The following SLC35F3 variants were observed in gnomAD, a reference collection of about 807,000 sequenced individuals.
SLC35F3 encodes the protein putative thiamine transporter SLC35F3.
A neutral mutation model predicts 49.9 loss-of-function variants in SLC35F3; 25 were observed. The observed-to-expected ratio is 0.50, with a 90% CI of 0.37 to 0.70. The LOEUF (loss-of-function observed/expected upper bound fraction) is 0.70, where lower values mean the gene tolerates loss of function less well. Among genes scored for constraint, SLC35F3 ranks in the 30% least tolerant of loss-of-function variants. The pLI, the probability that SLC35F3 is intolerant of heterozygous loss-of-function variation, is 0.00. For synonymous variants in SLC35F3, 275 were observed against 265.4 expected (o/e 1.04, Z -0.35); for missense variants, 525 against 639.8 (o/e 0.82, Z 1.94).
At chr1:234,129,241 G>A (rs1198296186) in intron 2 of SLC35F3, among the ~76,000 whole-genome samples, 5 of 152,158 alleles carry the variant, frequency 3.3e-5, no homozygotes, top group South Asian at 2.1e-4. Flanking sequence ...GAAGGTGCTC[G>A]ACCTCATTGA....
chr1:234,159,691 T>C (rs1293734382), intron 2 of SLC35F3, among the ~76,000 whole-genome samples: 2 of 152,182 alleles, frequency 1.3e-5, no homozygotes, highest in African/African-American at 4.8e-5. Flanking sequence ...CTCTTTGTAA[T>C]CTCATAATCA....
intron 2 of SLC35F3, among the ~76,000 whole-genome samples, chr1:234,160,616 C>T (rs1666210937): frequency 6.6e-6 from 1 of 152,176 alleles, no homozygotes; most frequent in African/African-American, 2.4e-5. Flanking sequence ...CAGGGCAACC[C>T]AGGACATATG....
chr1:234,034,675 C>T (rs1664115016), intron 2 of SLC35F3, among the ~76,000 whole-genome samples: 1 of 152,090 alleles, frequency 6.6e-6, no homozygotes, highest in Non-Finnish European at 1.5e-5. Flanking sequence ...CACGTGCCAC[C>T]ACACCCGGCT....
chr1:233,914,240 T>C (rs1401935543), intron 2 of SLC35F3, among the ~76,000 whole-genome samples: 4 of 152,176 alleles, frequency 2.6e-5, no homozygotes, highest in Admixed American at 6.5e-5. Context: ...GGGTCTAGTC[T>C]GACAGAGCGG....
intron 3 of SLC35F3, chr1:234,274,116 G>A (rs1303343371): frequency 6.6e-6 from 1 of 152,182 alleles, no homozygotes; most frequent in Non-Finnish European, 1.5e-5. Context: ...TAGTTCTCAG[G>A]GGGAAATGTG....
chr1:234,139,979 T>TA lies in SLC35F3; in HGVS notation c.284-91434dup, dbSNP rs1259718345. The stretch of plus-strand genomic sequence containing the variant: ...TAAAATAAAATAAAATAAAATAAAA[T>TA]AAAATAAAATAAAATAAAATAAAGT... On this transcript the variant is annotated intron_variant, in intron 2 of 7. Coordinates refer to ENST00000366618, the MANE Select transcript of SLC35F3 (RefSeq NM_173508.4). Among the ~76,000 whole-genome samples the TA allele has an allele frequency of 2.2e-3, 296 of 133,448 alleles. 13 individuals carry two copies. Among genetic ancestry groups the TA allele is most frequent in the Middle Eastern group, 8.0e-3 (2 of 250 alleles). 87.5% of individuals were successfully genotyped at this position (133,448 alleles called of 152,430 possible).
At chr1:234,219,742 C>G (rs980679706) in intron 2 of SLC35F3, among the ~76,000 whole-genome samples, 3 of 152,200 alleles carry the variant, frequency 2.0e-5, no homozygotes, top group Admixed American at 1.3e-4. Flanking sequence ...TCCTGCTGAG[C>G]CTGGATGTGG....
chr1:234,044,726 C>A (rs1222706659), intron 2 of SLC35F3, among the ~76,000 whole-genome samples: 1 of 152,186 alleles, frequency 6.6e-6, no homozygotes, highest in Non-Finnish European at 1.5e-5. Context: ...TTCATCACTG[C>A]ATTTTCTGTG....
intron 2 of SLC35F3, among the ~76,000 whole-genome samples, chr1:234,167,715 A>G (rs1666340056): frequency 6.6e-6 from 1 of 152,198 alleles, no homozygotes; most frequent in African/African-American, 2.4e-5. Flanking sequence ...CATACTGAAT[A>G]GGTCACATGT....
chr1:234,174,379 TG>T (rs1326539919), intron 2 of SLC35F3, among the ~76,000 whole-genome samples: 1 of 152,254 alleles, frequency 6.6e-6, no homozygotes, highest in Non-Finnish European at 1.5e-5. Flanking sequence ...ATCCAAAAAC[TG>T]GTTGTTTTAC....
intron 2 of SLC35F3, among the ~76,000 whole-genome samples, chr1:234,016,389 T>A (rs997321859): frequency 6.6e-6 from 1 of 152,204 alleles, no homozygotes; most frequent in Non-Finnish European, 1.5e-5. Context: ...GGAATCAACC[T>A]AAGGATCCAT....
At chr1:234,108,252 T>TATATATTTATATATATAAAAG (rs1665317241) in intron 2 of SLC35F3, among the ~76,000 whole-genome samples, 3 of 82,788 alleles carry the variant, frequency 3.6e-5, no homozygotes, top group South Asian at 3.5e-4. Context: ...ATAAAAGATA[T>TATATATTTATATATATAAAAG]ATATATTTAT....
At chr1:234,298,531 A>G (rs1668642044) in intron 3 of SLC35F3, among the ~76,000 whole-genome samples, 1 of 152,246 alleles carries the variant, frequency 6.6e-6, no homozygotes, top group Non-Finnish European at 1.5e-5. Flanking sequence ...TAATGGCACA[A>G]GTGTTCCTCG....
rs188737427 is a variant in SLC35F3 at position 234,231,727 on chromosome 1, G to A, written c.594G>A (p.Val198=). Residue 198 remains valine, a synonymous_variant, in exon 3 of 8, where the codon GTG becomes GTA. Coordinates refer to ENST00000366618, the MANE Select transcript of SLC35F3 (RefSeq NM_173508.4). The surrounding 1 kb of genome is among the most constrained non-coding windows in gnomAD (Gnocchi z 5.4). The part of the protein sequence containing the change: ...HVCKSTEKQS[V]KQRYRECCRF... Reference sequence around the variant, plus strand: ...GCAAGTCCACAGAGAAGCAGTCTGTGAAGCAGCGATACAGGTAGGCGCGTC... The same window carrying A: ...GCAAGTCCACAGAGAAGCAGTCTGTAAAGCAGCGATACAGGTAGGCGCGTC... 1.6e-4 allele frequency: 253 copies of A among 1,610,012 alleles called. No homozygotes were observed. Among genetic ancestry groups the A allele is most frequent in the Admixed American group, 1.4e-3 (85 of 59,896 alleles).
intron 3 of SLC35F3, among the ~76,000 whole-genome samples, chr1:234,299,545 C>T (rs531231846): frequency 6.6e-6 from 1 of 152,232 alleles, no homozygotes; most frequent in Admixed American, 6.5e-5. Context: ...GTGGCTCACA[C>T]CTGTAATCCC....
At chr1:234,206,027 G>A (rs999491650) in intron 2 of SLC35F3, among the ~76,000 whole-genome samples, 19 of 152,142 alleles carry the variant, frequency 1.2e-4, no homozygotes, top group Non-Finnish European at 2.4e-4. Flanking sequence ...GGGAGGACTT[G>A]CTGGTGAGGA....
rs2102910850 is a variant in SLC35F3, at chr1:234,155,566, G to T, written c.284-75851G>T. 2.0e-5 allele frequency among the ~76,000 whole-genome samples: 3 copies of T among 151,954 alleles called. No homozygotes were observed. In the Middle Eastern group the frequency reaches 0.01, roughly 517 times the overall value. On this transcript the variant is annotated intron_variant, in intron 2 of 7. Coordinates refer to ENST00000366618, the MANE Select transcript of SLC35F3 (RefSeq NM_173508.4). ...CTGGGACTACAGGCGTGCCTTAAAA[G>T]ATTTTAGAATACCTATATTAAACCA... is the stretch of plus-strand genomic sequence containing the variant.
intron 2 of SLC35F3, among the ~76,000 whole-genome samples, chr1:233,909,550 T>C (rs968209735): frequency 6.6e-6 from 1 of 152,256 alleles, no homozygotes; most frequent in East Asian, 1.9e-4. Flanking sequence ...GGAATTGCTC[T>C]ACTCTTTCCT....
At chr1:233,990,162 A>G (rs989937520) in intron 2 of SLC35F3, among the ~76,000 whole-genome samples, 3 of 152,216 alleles carry the variant, frequency 2.0e-5, no homozygotes, top group African/African-American at 7.2e-5. Flanking sequence ...TAGGTTTTTC[A>G]TCCTTTAAAA....
Sources: allele counts gnomAD v4.1 joint callset (sites outside exome capture counted in the v4.1 genomes callset), GRCh38; gene constraint gnomAD v4.1.1; non-coding constraint Gnocchi (gnomAD v3.1); transcripts MANE v1.5; gene names NCBI Gene and HGNC (gene_info 2026-07-23, HGNC 2026-07-21).